The following IRAG1 variants were observed in gnomAD, a reference collection of about 807,000 sequenced individuals.
IRAG1 encodes inositol 1,4,5-triphosphate receptor associated 1, also known as IP3R-associated cGMP kinase substrate.
Under a neutral mutation model 106.2 loss-of-function variants are expected in IRAG1, and 62 were observed. The observed-to-expected ratio is 0.58, with a 90% confidence interval of 0.48 to 0.72. IRAG1 has a LOEUF of 0.72. IRAG1 is among the 30% of genes least tolerant of loss of function. IRAG1 has a pLI of 0.00. For synonymous variants in IRAG1, 462 were observed against 443.9 expected (o/e 1.04, Z -0.51); for missense variants, 1,064 against 1,140.7 (o/e 0.93, Z 0.97).
At chr11:10,603,808 C>T (rs1274038940) in intron 13 of IRAG1, among the ~76,000 whole-genome samples, 1 of 152,198 alleles carries the variant, frequency 6.6e-6, no homozygotes, top group Non-Finnish European at 1.5e-5. Flanking sequence ...GTTCTGTTCT[C>T]TTTCCACCAT....
chr11:10,693,619 A>G lies in IRAG1; in HGVS notation c.-17T>C, dbSNP rs931580811. On this transcript the variant is annotated 5_prime_UTR_variant, in exon 1 of 21. The change abolishes an upstream ATG in the 5' untranslated region. Transcript: ENST00000423302. ...TTTTACCATTTAAGGTCAATGTTAC[A>G]TCTGGCTCCGGAGCTCAGAGCCGAG... 2.0e-6 allele frequency: 3 copies of G among 1,534,436 alleles called. No homozygotes were observed. Among genetic ancestry groups the G allele is most frequent in the African/African-American group, 1.4e-5 (1 of 73,000 alleles).
At chr11:10,618,349 G>C (rs1855586297) in intron 10 of IRAG1, among the ~76,000 whole-genome samples, 1 of 152,122 alleles carries the variant, frequency 6.6e-6, no homozygotes, top group African/African-American at 2.4e-5. Context: ...ATTTATCGTA[G>C]TGACTTTGTC....
chr11:10,612,715 CAT>C (rs1855070883), intron 10 of IRAG1, among the ~76,000 whole-genome samples: 2 of 151,990 alleles, frequency 1.3e-5, no homozygotes, highest in African/African-American at 2.4e-5. Flanking sequence ...AGGATGGAAA[CAT>C]AGTTGCAAGA....
chr11:10,593,377 T>C (rs752057691), intron 17 of IRAG1, 115 bp downstream of exon 17: 9 of 729,576 alleles, frequency 1.2e-5, no homozygotes, highest in Non-Finnish European at 2.0e-5. Flanking sequence ...TTCTGGAAAT[T>C]TCCTCTCCTT....
chr11:10,593,867 G>C (rs1161929680), intron 16 of IRAG1: 1 of 573,408 alleles, frequency 1.7e-6, no homozygotes, highest in South Asian at 2.1e-5. Context: ...CACAGTCTCT[G>C]GGTAACACCC....
chr11:10,674,936 C>T (rs1441914584), intron 1 of IRAG1, among the ~76,000 whole-genome samples: 4 of 152,210 alleles, frequency 2.6e-5, no homozygotes, highest in African/African-American at 7.2e-5. Context: ...GGGTTCATCC[C>T]CTCATATGAA....
intron 1 of IRAG1, among the ~76,000 whole-genome samples, chr11:10,683,379 A>G (rs1861419708): frequency 6.6e-6 from 1 of 151,918 alleles, no homozygotes; most frequent in African/African-American, 2.4e-5. Context: ...AAAAAAAAGT[A>G]CAATGAAAAT....
chr11:10,672,952 G>T (rs989069493), intron 1 of IRAG1, among the ~76,000 whole-genome samples: 2 of 152,298 alleles, frequency 1.3e-5, no homozygotes, highest in Admixed American at 1.3e-4. Context: ...TGAATAAAAT[G>T]TGGTATATTC....
rs2134905971 is a variant in IRAG1 at position 10,652,058 on chromosome 11, T to G, written c.192A>C (p.Gly64=). 1 of 1,590,538 alleles carries G rather than the reference T, an allele frequency of 6.3e-7. No individual in the cohort carries two copies. Among genetic ancestry groups the G allele is most frequent in the East Asian group, 2.3e-5 (1 of 43,722 alleles). The change falls in exon 2 of 21, where the codon GGA becomes GGC. Residue 64 remains glycine (G), a synonymous_variant. Coordinates refer to ENST00000423302, the MANE Select transcript of IRAG1 (RefSeq NM_130385.4). ...PHIPEDEEPP[G]EPQAAQSPAG... ...CAGGGCTCTGGGCTGCCTGTGGCTC[T>G]CCGGGGGGCTCCTCGTCCTCGGGAA...
chr11:10,653,107 T>G (rs1858653749), intron 1 of IRAG1, among the ~76,000 whole-genome samples: 1 of 152,188 alleles, frequency 6.6e-6, no homozygotes, highest in Non-Finnish European at 1.5e-5. Flanking sequence ...TCGATGAGCT[T>G]AAAGTGGTGT....
intron 2 of IRAG1, among the ~76,000 whole-genome samples, chr11:10,642,753 C>A (rs1032341380): frequency 2.2e-4 from 34 of 152,186 alleles, no homozygotes; most frequent in Non-Finnish European, 2.4e-4. Flanking sequence ...GTGGTGGGTG[C>A]GTGCTGTGAG....
intron 1 of IRAG1, among the ~76,000 whole-genome samples, chr11:10,692,304 A>G (rs1011341749): frequency 1.3e-5 from 2 of 152,170 alleles, no homozygotes; most frequent in Admixed American, 6.5e-5. Context: ...TGGAGGCAGC[A>G]TCATACCCTG....
At chr11:10,594,311 C>T in intron 15 of IRAG1, 116 bp from the exon 16 acceptor site, 1 of 961,228 alleles carries the variant, frequency 1.0e-6, no homozygotes, top group Admixed American at 2.3e-5. Flanking sequence ...AAGGGATAGC[C>T]CAAGGGTCTG....
chr11:10,688,483 T>C (rs868594728), intron 1 of IRAG1, among the ~76,000 whole-genome samples: 2 of 152,172 alleles, frequency 1.3e-5, no homozygotes, highest in South Asian at 2.1e-4. Flanking sequence ...GATTTGCTTA[T>C]CAGCCACAGA....
At chr11:10,668,816 G>A (rs758561296) in intron 1 of IRAG1, among the ~76,000 whole-genome samples, 1 of 152,170 alleles carries the variant, frequency 6.6e-6, no homozygotes, top group Non-Finnish European at 1.5e-5. Context: ...TTAAATTGAA[G>A]TGAATAATTC....
Position 10,626,430 on chromosome 11 carries a change from T to C in IRAG1, c.904A>G (p.Thr302Ala), listed in dbSNP as rs74898367. 0.019 allele frequency: 30,029 copies of C among 1,613,934 alleles called. 351 individuals are homozygous for C. Among genetic ancestry groups the C allele is most frequent in the Non-Finnish European group, 0.022 (25,729 of 1,179,844 alleles). ...NFDPLQYPETTPKGLAPVTNS... is the reference protein window; with the variant it reads ...NFDPLQYPETAPKGLAPVTNS... ...GTAACAGGAGCTAGGCCTTTGGGTGTGGTCTCGGGGTACTGGAGGGGATCG... is the reference window on the plus strand; with the variant it reads ...GTAACAGGAGCTAGGCCTTTGGGTGCGGTCTCGGGGTACTGGAGGGGATCG... The change falls in exon 9 of 21, where the codon ACA (threonine) becomes GCA (alanine). Residue 302 changes from threonine to alanine, a missense_variant. By Grantham distance (58) the Thr-to-Ala change is moderately conservative (BLOSUM62 0). Transcript: ENST00000423302.
intron 1 of IRAG1, among the ~76,000 whole-genome samples, chr11:10,664,217 C>A (rs373972794): frequency 6.6e-6 from 1 of 152,124 alleles, no homozygotes; most frequent in African/African-American, 2.4e-5. Context: ...GAAGCAGCTG[C>A]GACTGTGATC....
intron 4 of IRAG1, 21 bp from the exon 5 acceptor site, chr11:10,629,732 GGGGTGAGA>G: frequency 6.2e-7 from 1 of 1,608,838 alleles, no homozygotes; most frequent in East Asian, 2.2e-5. Context: ...AGGATGAGCT[GGGGTGAGA>G]GCCACTGCAT....
At chr11:10,653,617 A>T (rs1380048217) in intron 1 of IRAG1, among the ~76,000 whole-genome samples, 4 of 152,064 alleles carry the variant, frequency 2.6e-5, no homozygotes, top group African/African-American at 9.7e-5. Context: ...TTTGCCACTC[A>T]CTGGCTATGT....
Sources: allele counts gnomAD v4.1 joint callset (sites outside exome capture counted in the v4.1 genomes callset), GRCh38; gene constraint gnomAD v4.1.1; transcripts MANE v1.5; gene names NCBI Gene and HGNC (gene_info 2026-07-23, HGNC 2026-07-21).